Variants in JAG2 observed in about 807,000 individuals in gnomAD.
JAG2 encodes the protein protein jagged-2.
A neutral mutation model predicts 141.7 loss-of-function variants in JAG2; 46 were observed. The observed-to-expected ratio is 0.32, with a 90% CI of 0.26 to 0.42. The LOEUF is 0.42. JAG2 is among the 10% of genes least tolerant of loss of function. The pLI is 1.00. For synonymous variants in JAG2, 862 were observed against 763.5 expected (o/e 1.13, Z -2.13); for missense variants, 1,500 against 1,817.5 (o/e 0.83, Z 3.18).
intron 15 of JAG2, 80 bp downstream of exon 15, chr14:105,148,665 G>T: frequency 7.8e-7 from 1 of 1,285,966 alleles, no homozygotes; most frequent in Non-Finnish European, 1.1e-6. Context: ...GCCGCACCCA[G>T]ACAGCGGTCC....
Position 105,148,117 on chromosome 14 carries a change from G to C in JAG2, c.2247C>G (p.Val749=). ...GCAGAGGCAGCGGGGGCTCCTCACC[G>C]ACGGCGCAGGTGCTGCCCTTCCAGC... is the stretch of plus-strand genomic sequence containing the variant. ...PPGWKGSTCA[V]AKNSSCLPNP... is the part of the protein sequence containing the mutation. Residue 749 remains valine, a splice_region_variant and synonymous_variant, in exon 17 of 26, where the codon GTC becomes GTG. Transcript: ENST00000331782. 1 of 1,546,256 alleles carries C rather than the reference G, an allele frequency of 6.5e-7. No individual in the cohort carries two copies. The highest frequency in any genetic ancestry group is 8.7e-7 in the Non-Finnish European group (1 of 1,144,618).
Position 105,151,020 on chromosome 14 carries a change from G to A in JAG2, c.1352C>T (p.Pro451Leu), listed in dbSNP as rs1039776082. The A allele has an allele frequency of 4.3e-6, 7 of 1,612,956 alleles. No homozygotes were observed. The highest frequency in any genetic ancestry group is 1.3e-5 in the African/African-American group (1 of 75,024). ...LIGGYYCDCIPGWKGINCHIN... is the reference protein window; with the variant it reads ...LIGGYYCDCILGWKGINCHIN... ...ATGGCAGTTGATGCCCTTCCAGCCC[G>A]GGATGCAATCACAGTAATAGCCGCC... Residue 451 changes from proline (P) to leucine (L), a missense_variant, in exon 10 of 26, where the codon CCG becomes CTG. Transcript: ENST00000331782.
rs1399946832 is a variant in JAG2 at position 105,152,176 on chromosome 14, G to A, written c.904C>T (p.Leu302=). 6.2e-7 allele frequency: 1 copy of A among 1,613,806 alleles called. No homozygotes were observed. ...CTACCACTACCTTTGTCACAGAGCA[G>A]GCCGCCCCAGTTGGTCTCACAGTTG... ...QCNCETNWGG[L]LCDKDLNYCG... The change falls in exon 6 of 26, where the codon CTG becomes TTG. Residue 302 remains leucine, a synonymous_variant. Coordinates refer to ENST00000331782, the MANE Select transcript of JAG2 (RefSeq NM_002226.5).
At chr14:105,149,431 G>T in intron 12 of JAG2, 111 bp from the exon 13 acceptor site, 1 of 1,374,494 alleles carries the variant, frequency 7.3e-7, no homozygotes, top group Non-Finnish European at 1.0e-6. Flanking sequence ...AGGCCCCTCC[G>T]CCCTGGGCCT....
chr14:105,165,011 C>A (rs1241094298), intron 2 of JAG2, among the ~76,000 whole-genome samples: 1 of 152,170 alleles, frequency 6.6e-6, no homozygotes, highest in Non-Finnish European at 1.5e-5. Flanking sequence ...CATGCTCCAG[C>A]CACACCACCC....
At chr14:105,147,455 C>T (rs2140973468) in intron 19 of JAG2, 44 bp from the exon 20 acceptor site, 1 of 1,609,164 alleles carries the variant, frequency 6.2e-7, no homozygotes, top group South Asian at 1.1e-5. Context: ...CCGTGGTATG[C>T]CAAGTCCCAC....
rs1332027915 is a variant in JAG2, at chr14:105,145,840, T to A, written c.2843A>T (p.Glu948Val). The A allele has an allele frequency of 8.3e-6, 13 of 1,560,942 alleles. No homozygotes were observed. The highest frequency in any genetic ancestry group is 1.1e-5 in the Non-Finnish European group (13 of 1,153,604). ...GCTCGGTGGCTCTTCTGCGCCGCAC[T>A]CCCCCCAGGCCTCACAGGGTGGTCG... ...CLRPPCEAWG[E>V]CGAEEPPSTP... is the part of the protein sequence containing the mutation. The change falls in exon 23 of 26, where the codon GAG (glutamate) becomes GTG (valine). Residue 948 changes from glutamate to valine, a missense_variant. Physicochemically the swap from Glu to Val is moderately radical, Grantham distance 121. Around this residue, in one of 3 missense-constraint regions of JAG2, gnomAD observed 425 missense variants for 441.0 expected, o/e 0.96. Coordinates refer to ENST00000331782, the MANE Select transcript of JAG2 (RefSeq NM_002226.5).
chr14:105,150,485 C>T lies in JAG2; in HGVS notation c.1602+119G>A, dbSNP rs746336921. On this transcript the variant is annotated intron_variant, in intron 12 of 25. Coordinates refer to ENST00000331782, the MANE Select transcript of JAG2 (RefSeq NM_002226.5). ...CAGTGGAGAGCTGAGCCTGGGACGCCTTGGGGACAACTTCCCCTGCAGCAC... is the reference window on the plus strand; with the variant it reads ...CAGTGGAGAGCTGAGCCTGGGACGCTTTGGGGACAACTTCCCCTGCAGCAC... 8.0e-5 allele frequency: 88 copies of T among 1,093,282 alleles called. No individual in the cohort carries two copies. The South Asian group carries it at 1.2e-3, about 15-fold the overall frequency. The allele number at this position is 1,093,282 out of a possible 1,614,324, so 67.7% of individuals were successfully genotyped here. A position where few individuals can be genotyped will look rare whatever the true frequency, so the allele number is the denominator to read the frequency against.
intron 2 of JAG2, among the ~76,000 whole-genome samples, chr14:105,162,820 C>A (rs879881821): frequency 6.9e-6 from 1 of 145,848 alleles, no homozygotes; most frequent in South Asian, 2.2e-4. Flanking sequence ...AGGTCCAGGG[C>A]ACCCCCAGCC....
intron 3 of JAG2, among the ~76,000 whole-genome samples, chr14:105,156,226 CG>C (rs1284474846): frequency 6.6e-6 from 1 of 152,230 alleles, no homozygotes; most frequent in Non-Finnish European, 1.5e-5. Flanking sequence ...CGCAGAGGGT[CG>C]GGGGGCCCGG....
rs771724492 is a variant in JAG2, at chr14:105,167,959, C to T, written c.215G>A (p.Arg72His). 6.2e-7 allele frequency: 1 copy of T among 1,604,666 alleles called. No individual in the cohort carries two copies. Among genetic ancestry groups the T allele is most frequent in the East Asian group, 2.2e-5 (1 of 44,552 alleles). The change falls in exon 2 of 26, where the codon CGC (arginine) becomes CAC (histidine). Residue 72 changes from arginine to histidine, a missense_variant. Around this residue, in one of 3 missense-constraint regions of JAG2, gnomAD observed 200 missense variants for 174.3 expected, o/e 1.15. Transcript: ENST00000331782. The surrounding 1 kb of genome is among the most constrained non-coding windows in gnomAD (Gnocchi z 4.8). ...CGHDECDTYV[R>H]VCLKEYQAKV... The stretch of plus-strand genomic sequence containing the variant: ...GGCCTGGTACTCCTTAAGGCACACG[C>T]GCACGTACGTGTCGCACTCGTCGTG...
At position 105,155,632 on chromosome 14, in the gene JAG2, G is replaced by C; in HGVS notation, c.728-10C>G. ...CCTTGTTTACACACAGCTGCGAACAGAGAGGAGCGAGAGGCACAGCTGCAG... is the reference window on the plus strand; with the variant it reads ...CCTTGTTTACACACAGCTGCGAACACAGAGGAGCGAGAGGCACAGCTGCAG... On this transcript the variant is annotated splice_polypyrimidine_tract_variant and intron_variant, in intron 4 of 25. Transcript: ENST00000331782. 2 of 1,612,678 alleles carry C rather than the reference G, an allele frequency of 1.2e-6. No homozygotes were observed. Among genetic ancestry groups the C allele is most frequent in the Non-Finnish European group, 1.7e-6 (2 of 1,179,892 alleles).
chr14:105,159,193 G>A (rs1047544779), intron 2 of JAG2, among the ~76,000 whole-genome samples: 1 of 150,984 alleles, frequency 6.6e-6, no homozygotes, highest in Admixed American at 6.6e-5. Flanking sequence ...CAACATGACT[G>A]CTGACCCTGG....
At position 105,150,526 on chromosome 14, in the gene JAG2, G is replaced by A. The variant is rs984173851; in HGVS notation, c.1602+78C>T. The stretch of plus-strand genomic sequence containing the variant: ...CCTGCAGCACCCCTGGGTCACTCAG[G>A]CCCCATGGTCAGGGGACGAGGCCTG... On this transcript the variant is annotated intron_variant, in intron 12 of 25. Coordinates refer to ENST00000331782, the MANE Select transcript of JAG2 (RefSeq NM_002226.5). 23 of 1,408,026 alleles carry A rather than the reference G, an allele frequency of 1.6e-5. No homozygotes were observed. In the Admixed American group the frequency reaches 4.6e-4, roughly 28 times the overall value. 87.2% of individuals were successfully genotyped at this position (1,408,026 alleles called of 1,614,324 possible). A position where few individuals can be genotyped will look rare whatever the true frequency, so the allele number is the denominator to read the frequency against.
rs1850863509 is a variant in JAG2 at position 105,167,250 on chromosome 14, T to C, written c.417+507A>G. On this transcript the variant is annotated intron_variant, in intron 2 of 25. Coordinates refer to ENST00000331782, the MANE Select transcript of JAG2 (RefSeq NM_002226.5). The surrounding 1 kb of genome is among the most constrained non-coding windows in gnomAD (Gnocchi z 4.8). ...TCACCATCGGGGGCTTCTGCCGACATAAGCGTTAGGCGTTAGGCTCTCCCG... is the reference window on the plus strand; with the variant it reads ...TCACCATCGGGGGCTTCTGCCGACACAAGCGTTAGGCGTTAGGCTCTCCCG... Among the ~76,000 whole-genome samples, 1 of 152,186 alleles carries C rather than the reference T, an allele frequency of 6.6e-6. No individual in the cohort carries two copies. The highest frequency in any genetic ancestry group is 1.5e-5 in the Non-Finnish European group (1 of 68,026).
At position 105,142,396 on chromosome 14, in the gene JAG2, C is replaced by T. The variant is rs1888083635; in HGVS notation, c.*299G>A. ...AGTGCACAACCTCTGGTAACAAACG[C>T]TACGATTTGGTGACGACGCAGACAC... On this transcript the variant is annotated 3_prime_UTR_variant, in exon 26 of 26. Transcript: ENST00000331782. The T allele has an allele frequency of 2.6e-6, 1 of 380,510 alleles. No individual in the cohort carries two copies. Among genetic ancestry groups the T allele is most frequent in the Non-Finnish European group, 4.8e-6 (1 of 208,942 alleles). The allele number at this position is 380,510 out of a possible 1,614,324, so 23.6% of individuals were successfully genotyped here. A position where few individuals can be genotyped will look rare whatever the true frequency, so the allele number is the denominator to read the frequency against.
chr14:105,146,933 G>A, intron 20 of JAG2: 1 of 653,568 alleles, frequency 1.5e-6, no homozygotes, highest in Non-Finnish European at 2.8e-6. Flanking sequence ...TCCTCCGTCT[G>A]CTTCTGCAGT....
At chr14:105,149,779 C>G (rs1293477100) in intron 12 of JAG2, among the ~76,000 whole-genome samples, 1 of 120,562 alleles carries the variant, frequency 8.3e-6, no homozygotes, top group Non-Finnish European at 1.7e-5. Context: ...AGGGCAGGAT[C>G]GTGGGCGGCC....
chr14:105,157,890 C>T, intron 2 of JAG2, 127 bp from the exon 3 acceptor site: 2 of 838,434 alleles, frequency 2.4e-6, no homozygotes, highest in South Asian at 2.9e-5. Flanking sequence ...CCTCCCCAGC[C>T]AGGGACCCAC....
Sources: allele counts gnomAD v4.1 joint callset (sites outside exome capture counted in the v4.1 genomes callset), GRCh38; gene constraint gnomAD v4.1.1; regional missense constraint gnomAD v4.1.1; non-coding constraint Gnocchi (gnomAD v3.1); transcripts MANE v1.5; gene names NCBI Gene and HGNC (gene_info 2026-07-23, HGNC 2026-07-21).